The following SMIM13 variants were observed in gnomAD, a reference collection of about 807,000 sequenced individuals.
SMIM13 encodes the protein small integral membrane protein 13, also known as UPF0766 protein C6orf228.
SMIM13 carries 3 observed loss-of-function variants against 5.9 expected under a neutral mutation model. The observed-to-expected ratio is 0.51, with a 90% CI of 0.23 to 1.31. SMIM13 has a LOEUF of 1.31. SMIM13 is among the 40% of genes most tolerant of loss of function. The pLI, the probability that SMIM13 is intolerant of heterozygous loss-of-function variation, is 0.18. For synonymous variants in SMIM13, 55 were observed against 46.0 expected (o/e 1.19, Z -0.79); for missense variants, 85 against 109.9 (o/e 0.77, Z 1.01).
chr6:11,112,903 G>A (rs1758188969), intron 1 of SMIM13, among the ~76,000 whole-genome samples: 1 of 152,052 alleles, frequency 6.6e-6, no homozygotes, highest in African/African-American at 2.4e-5. Context: ...TGCCTCCTGG[G>A]TTCAAGCAAT....
intron 1 of SMIM13, among the ~76,000 whole-genome samples, chr6:11,098,760 A>G (rs1256367185): frequency 6.6e-6 from 1 of 151,994 alleles, no homozygotes; most frequent in Non-Finnish European, 1.5e-5. Flanking sequence ...GCTTTTATAT[A>G]CTGTATTTCC....
At chr6:11,127,222 G>A (rs1758388140) in intron 1 of SMIM13, among the ~76,000 whole-genome samples, 1 of 152,192 alleles carries the variant, frequency 6.6e-6, no homozygotes, top group African/African-American at 2.4e-5. Flanking sequence ...TCCCATTAGG[G>A]TGGGGTGAGT....
rs1020943068 is a variant in SMIM13, at chr6:11,136,115, T to G, written c.*1513T>G. 1 of 152,198 alleles carries G rather than the reference T, an allele frequency of 6.6e-6. No homozygotes were observed. Among genetic ancestry groups the G allele is most frequent in the African/African-American group, 2.4e-5 (1 of 41,448 alleles). The allele number at this position is 152,198 out of a possible 1,614,324, so 9.4% of individuals were successfully genotyped here. A position where few individuals can be genotyped will look rare whatever the true frequency, so the allele number is the denominator to read the frequency against. ...GAAGAGTGGGATTAGTTACTCCCTTTGTATAGGAGGACTTTATGCTCAAGG... is the reference window on the plus strand; with the variant it reads ...GAAGAGTGGGATTAGTTACTCCCTTGGTATAGGAGGACTTTATGCTCAAGG... On this transcript the variant is annotated 3_prime_UTR_variant, in exon 2 of 2. Coordinates refer to ENST00000416247, the MANE Select transcript of SMIM13 (RefSeq NM_001135575.2).
intron 1 of SMIM13, chr6:11,105,100 C>A (rs1442099375): frequency 1.2e-6 from 2 of 1,614,164 alleles, no homozygotes. Flanking sequence ...ATATGTAATT[C>A]CGCCTCTATG....
chr6:11,125,916 A>T (rs568480615), intron 1 of SMIM13, among the ~76,000 whole-genome samples: 142 of 152,172 alleles, frequency 9.3e-4, no homozygotes, highest in African/African-American at 3.3e-3. Context: ...TAAACTTTGT[A>T]CCCTAATCTC....
intron 1 of SMIM13, chr6:11,103,656 C>G: frequency 6.6e-7 from 1 of 1,505,302 alleles, no homozygotes; most frequent in Non-Finnish European, 8.9e-7. Flanking sequence ...GATTTCGCCT[C>G]TGTCGTGTTC....
chr6:11,110,423 T>G (rs7753998), intron 1 of SMIM13, among the ~76,000 whole-genome samples: 32,846 of 152,116 alleles, frequency 0.22, 3,988 homozygotes, highest in East Asian at 0.47. Flanking sequence ...ACAGAATGAT[T>G]ATCTCTTCTC....
At position 11,136,337 on chromosome 6, in the gene SMIM13, A is replaced by T. The variant is rs28360554; in HGVS notation, c.*1735A>T. The T allele has an allele frequency of 6.6e-6, 1 of 152,086 alleles. No individual in the cohort carries two copies. Among genetic ancestry groups the T allele is most frequent in the Non-Finnish European group, 1.5e-5 (1 of 67,986 alleles). The allele number at this position is 152,086 out of a possible 1,614,324, so 9.4% of individuals were successfully genotyped here. A position where few individuals can be genotyped will look rare whatever the true frequency, so the allele number is the denominator to read the frequency against. ...AGGGAGAAGAGATGTGAATTAAACA[A>T]CCTTCCTGTTTAGTGTTACCTGCTT... On this transcript the variant is annotated 3_prime_UTR_variant, in exon 2 of 2. Coordinates refer to ENST00000416247, the MANE Select transcript of SMIM13 (RefSeq NM_001135575.2).
intron 1 of SMIM13, chr6:11,104,741 G>T (rs2113643816): frequency 6.2e-7 from 1 of 1,614,224 alleles, no homozygotes; most frequent in Non-Finnish European, 8.5e-7. Flanking sequence ...GGCAAAACCG[G>T]CTGGATTTAT....
At chr6:11,134,349 A>G in intron 1 of SMIM13, 54 bp from the exon 2 acceptor site, 2 of 1,346,436 alleles carry the variant, frequency 1.5e-6, no homozygotes, top group Non-Finnish European at 1.0e-6. Flanking sequence ...AACATTCTGA[A>G]TTGATAACAT....
chr6:11,097,969 G>T (rs1353670174), intron 1 of SMIM13, among the ~76,000 whole-genome samples: 1 of 151,964 alleles, frequency 6.6e-6, no homozygotes, highest in Non-Finnish European at 1.5e-5. Flanking sequence ...CAATTTCTGA[G>T]ATTTCATGGA....
At chr6:11,114,690 C>A (rs1249777215) in intron 1 of SMIM13, among the ~76,000 whole-genome samples, 2 of 149,718 alleles carry the variant, frequency 1.3e-5, no homozygotes, top group Non-Finnish European at 3.0e-5. Flanking sequence ...CCTCCTCCTC[C>A]CAGGCTTAAG....
chr6:11,133,015 T>C (rs1249123574), intron 1 of SMIM13, among the ~76,000 whole-genome samples: 4 of 152,204 alleles, frequency 2.6e-5, no homozygotes, highest in Admixed American at 2.6e-4. Context: ...TTGAGCATTT[T>C]AGAAAATGCC....
chr6:11,121,336 C>T (rs1486902455), intron 1 of SMIM13, among the ~76,000 whole-genome samples: 1 of 152,150 alleles, frequency 6.6e-6, no homozygotes, highest in Non-Finnish European at 1.5e-5. Context: ...CTGATATGTG[C>T]ACTTTGGGTC....
chr6:11,098,568 AT>A (rs1757953297), intron 1 of SMIM13, among the ~76,000 whole-genome samples: 2 of 152,186 alleles, frequency 1.3e-5, no homozygotes, highest in Non-Finnish European at 2.9e-5. Context: ...AGTAGCTGAG[AT>A]TACAGGTGTC....
intron 1 of SMIM13, among the ~76,000 whole-genome samples, chr6:11,122,119 T>C (rs907859062): frequency 6.6e-6 from 1 of 152,188 alleles, no homozygotes; most frequent in Non-Finnish European, 1.5e-5. Flanking sequence ...CTTTTTGTCT[T>C]TTCCAAGGCT....
rs1203911693 is a variant in SMIM13 at position 11,094,300 on chromosome 6, C to G, written c.-14C>G. On this transcript the variant is annotated 5_prime_UTR_variant, in exon 1 of 2. Transcript: ENST00000416247. Reference sequence around the variant, plus strand: ...CGCCAGCCGCCCCGAGCCGACTGCCCTTCTGCCCCCAAGATGTGGCACAGC... The same window carrying G: ...CGCCAGCCGCCCCGAGCCGACTGCCGTTCTGCCCCCAAGATGTGGCACAGC... 1 of 1,467,114 alleles carries G rather than the reference C, an allele frequency of 6.8e-7. No individual in the cohort carries two copies. Among genetic ancestry groups the G allele is most frequent in the East Asian group, 2.7e-5 (1 of 37,650 alleles). The allele number at this position is 1,467,114 out of a possible 1,614,324, so 90.9% of individuals were successfully genotyped here. A position where few individuals can be genotyped will look rare whatever the true frequency, so the allele number is the denominator to read the frequency against.
chr6:11,115,656 C>T (rs1371584049), intron 1 of SMIM13, among the ~76,000 whole-genome samples: 1 of 151,580 alleles, frequency 6.6e-6, no homozygotes, highest in Non-Finnish European at 1.5e-5. Context: ...ATTACCTTTG[C>T]CATGTTCTTT....
At chr6:11,105,300 A>G in intron 1 of SMIM13, 3 of 1,612,834 alleles carry the variant, frequency 1.9e-6, no homozygotes, top group Non-Finnish European at 2.5e-6. Flanking sequence ...AACCAGCAGG[A>G]GCAGGCCCAT....
Sources: allele counts gnomAD v4.1 joint callset (sites outside exome capture counted in the v4.1 genomes callset), GRCh38; gene constraint gnomAD v4.1.1; transcripts MANE v1.5; gene names NCBI Gene and HGNC (gene_info 2026-07-23, HGNC 2026-07-21).